The following PAN3 variants were observed in gnomAD, a reference collection of about 807,000 sequenced individuals.
The protein encoded by PAN3 is poly(A) specific ribonuclease subunit PAN3, also known as PAN2-PAN3 deadenylation complex subunit PAN3.
In PAN3, 19 loss-of-function variants were observed where a neutral mutation model predicts 96.2. The ratio of observed to expected loss-of-function variants is 0.20; its 90% CI spans 0.14 to 0.29. The LOEUF is 0.29. PAN3 is among the 10% of genes least tolerant of loss of function. PAN3 has a pLI of 1.00. For synonymous variants in PAN3, 433 were observed against 406.6 expected (o/e 1.06, Z -0.78); for missense variants, 882 against 1,108.1 (o/e 0.80, Z 2.90).
intron 1 of PAN3, among the ~76,000 whole-genome samples, chr13:28,139,684 A>C (rs1372709380): frequency 6.6e-6 from 1 of 152,050 alleles, no homozygotes; most frequent in Non-Finnish European, 1.5e-5. Flanking sequence ...GAGGGAGCGG[A>C]CTGTCGCGTT....
chr13:28,245,538 C>T (rs1000120835), intron 6 of PAN3, among the ~76,000 whole-genome samples: 2 of 152,000 alleles, frequency 1.3e-5, no homozygotes, highest in African/African-American at 4.8e-5. Context: ...AATTCACATA[C>T]CATAAAATCA....
At chr13:28,200,712 A>G (rs796327159) in intron 5 of PAN3, among the ~76,000 whole-genome samples, 3 of 152,262 alleles carry the variant, frequency 2.0e-5, no homozygotes, top group African/African-American at 7.2e-5. Flanking sequence ...GAAGCTTAAA[A>G]TTTTTCTTAA....
intron 6 of PAN3, among the ~76,000 whole-genome samples, chr13:28,225,688 T>G (rs1881921833): frequency 1.3e-5 from 2 of 152,222 alleles, no homozygotes; most frequent in Non-Finnish European, 2.9e-5. Flanking sequence ...AGTCTTCTGC[T>G]AAACCAAAGT....
chr13:28,223,554 T>TTTTTTG (rs1236107329), intron 6 of PAN3, among the ~76,000 whole-genome samples: 392 of 152,146 alleles, frequency 2.6e-3, no homozygotes, highest in African/African-American at 9.2e-3. Context: ...CCACTGTTTT[T>TTTTTTG]TTTTTTGTTT....
intron 6 of PAN3, among the ~76,000 whole-genome samples, chr13:28,224,748 G>T (rs1881811923): frequency 6.6e-6 from 1 of 152,046 alleles, no homozygotes; most frequent in Non-Finnish European, 1.5e-5. Context: ...TCAAACTCCT[G>T]AGTAGCTGGG....
At chr13:28,245,735 T>C (rs1884123007) in intron 6 of PAN3, among the ~76,000 whole-genome samples, 1 of 152,212 alleles carries the variant, frequency 6.6e-6, no homozygotes, top group Non-Finnish European at 1.5e-5. Flanking sequence ...TTTATAGATT[T>C]GCCTGTGCTG....
At chr13:28,232,051 T>G (rs576985528) in intron 6 of PAN3, among the ~76,000 whole-genome samples, 2 of 152,324 alleles carry the variant, frequency 1.3e-5, no homozygotes, top group Admixed American at 1.3e-4. Context: ...AGGTAAACAT[T>G]TAGCACTTTT....
intron 18 of PAN3, among the ~76,000 whole-genome samples, chr13:28,289,607 C>T (rs144285110): frequency 9.2e-5 from 14 of 152,194 alleles, no homozygotes; most frequent in African/African-American, 2.9e-4. Flanking sequence ...AAAGGCTAGG[C>T]GCAGTAGCTC....
Position 28,270,750 on chromosome 13 carries a change from A to G in PAN3, c.1842A>G (p.Glu614=), listed in dbSNP as rs913174283. Residue 614 remains glutamate, a synonymous_variant, in exon 13 of 19, where the codon GAA becomes GAG. Transcript: ENST00000380958. ...LPRQHAGLLP[E]SLIWAYIVQL... is the part of the protein sequence containing the mutation. ...GGCAGCATGCTGGATTATTGCCAGA[A>G]TCTCTTATTTGGGCATATATTGTCC... The G allele has an allele frequency of 1.9e-6, 3 of 1,613,932 alleles. No individual in the cohort carries two copies. The highest frequency in any genetic ancestry group is 2.5e-6 in the Non-Finnish European group (3 of 1,179,866).
rs764147324 is a variant in PAN3, at chr13:28,283,589, A to G, written c.2384+2210A>G. ...TTTAAATATATAAAAATTGTAAACC[A>G]TACACAGTATATTTTATCATAACAG... is the stretch of plus-strand genomic sequence containing the variant. On this transcript the variant is annotated intron_variant, in intron 17 of 18. Transcript: ENST00000380958. Among the ~76,000 whole-genome samples the G allele has an allele frequency of 2.1e-4, 32 of 152,340 alleles. No individual in the cohort carries two copies. The Middle Eastern group carries it at 0.01, about 49-fold the overall frequency.
rs1464797482 is a variant in PAN3, at chr13:28,271,388, A to T, written c.1958+522A>T. Among the ~76,000 whole-genome samples the T allele has an allele frequency of 2.0e-5, 3 of 152,248 alleles. No individual in the cohort carries two copies. In the East Asian group the frequency reaches 5.8e-4, roughly 29 times the overall value. The stretch of plus-strand genomic sequence containing the variant: ...AGTTTTGAGTTGCTGTAATTTTGTG[A>T]TTGTCTTGGGCTGCATAACATAAAG... On this transcript the variant is annotated intron_variant, in intron 13 of 18. Transcript: ENST00000380958.
At chr13:28,285,322 A>AG (rs1448722983) in intron 17 of PAN3, among the ~76,000 whole-genome samples, 7 of 152,236 alleles carry the variant, frequency 4.6e-5, no homozygotes, top group Non-Finnish European at 8.8e-5. Flanking sequence ...TTCAGTACAT[A>AG]GGTAAGTACT....
intron 17 of PAN3, among the ~76,000 whole-genome samples, chr13:28,283,381 A>G (rs1868538583): frequency 6.6e-6 from 1 of 152,184 alleles, no homozygotes; most frequent in Non-Finnish European, 1.5e-5. Flanking sequence ...AATTTTTTAA[A>G]TAGGTTGTCT....
chr13:28,161,114 TTGAC>T (rs1352727637), intron 1 of PAN3, among the ~76,000 whole-genome samples: 1 of 152,252 alleles, frequency 6.6e-6, no homozygotes, highest in African/African-American at 2.4e-5. Flanking sequence ...AGCTTAATGT[TTGAC>T]TGAAATATTT....
intron 6 of PAN3, among the ~76,000 whole-genome samples, chr13:28,238,581 A>G (rs1883311626): frequency 6.6e-6 from 1 of 152,188 alleles, no homozygotes; most frequent in African/African-American, 2.4e-5. Context: ...AGAAAGATAT[A>G]TTTTAATTAG....
In PAN3 at chr13:28,292,764, A is replaced by G. The variant is rs1385598200; in HGVS notation, c.*242A>G. 6.3e-6 allele frequency: 2 copies of G among 315,950 alleles called. No individual in the cohort carries two copies. Among genetic ancestry groups the G allele is most frequent in the South Asian group, 1.2e-4 (1 of 8,480 alleles). 19.6% of individuals were successfully genotyped at this position (315,950 alleles called of 1,614,324 possible). On this transcript the variant is annotated 3_prime_UTR_variant, in exon 19 of 19. Coordinates refer to ENST00000380958, the MANE Select transcript of PAN3 (RefSeq NM_175854.8). ...AATTTATTTTAGATTTAGGAGCACC[A>G]TCAGGTGAATGATGTTCCTGCTTTT...
At chr13:28,275,946 A>C (rs1045603465) in intron 14 of PAN3, among the ~76,000 whole-genome samples, 1 of 152,144 alleles carries the variant, frequency 6.6e-6, no homozygotes, top group African/African-American at 2.4e-5. Flanking sequence ...GAACTTTTAA[A>C]TGTTATTTTA....
Position 28,270,795 on chromosome 13 carries a change from T to C in PAN3, c.1887T>C (p.Arg629=). ...TTGTCCAACTAAGTTCTGCATTGCG[T>C]ACCATTCATACAGCAGGTTTGGCAT... is the stretch of plus-strand genomic sequence containing the variant. ...AYIVQLSSAL[R]TIHTAGLACR... is the part of the protein sequence containing the mutation. The change falls in exon 13 of 19, where the codon CGT becomes CGC. Residue 629 remains arginine, a synonymous_variant. Coordinates refer to ENST00000380958, the MANE Select transcript of PAN3 (RefSeq NM_175854.8). The C allele has an allele frequency of 6.2e-7, 1 of 1,614,006 alleles. No individual in the cohort carries two copies.
chr13:28,169,344 C>T (rs1874004564), intron 1 of PAN3, among the ~76,000 whole-genome samples: 1 of 149,538 alleles, frequency 6.7e-6, no homozygotes, highest in Admixed American at 6.7e-5. Flanking sequence ...ATTCTCTTGC[C>T]TCAGCCTCCC....
Sources: allele counts gnomAD v4.1 joint callset (sites outside exome capture counted in the v4.1 genomes callset), GRCh38; gene constraint gnomAD v4.1.1; transcripts MANE v1.5; gene names NCBI Gene and HGNC (gene_info 2026-07-23, HGNC 2026-07-21).